IL1RAPL1: variants seen among roughly 807,000 people sequenced by gnomAD.
IL1RAPL1 encodes interleukin 1 receptor accessory protein like 1.
A neutral mutation model predicts 48.4 loss-of-function variants in IL1RAPL1; 3 were observed. The ratio of observed to expected loss-of-function variants is 0.06; its 90% CI spans 0.03 to 0.16. IL1RAPL1 has a LOEUF of 0.16. Ranked by LOEUF, IL1RAPL1 falls within the 10% of genes least tolerant of loss-of-function variation. The probability of loss-of-function intolerance (pLI) is 1.00; values close to 1 mark genes in which losing one functional copy is unlikely to be tolerated. For missense variants in IL1RAPL1, 349 were observed against 530.6 expected, an observed-to-expected ratio of 0.66 and a Z score of 3.36; for synonymous variants, 185 against 187.7, an observed-to-expected ratio of 0.99 and a Z score of 0.12.
At position 29,803,254 on chromosome X, in the gene IL1RAPL1, C is replaced by T. The variant is rs1330174658; in HGVS notation, c.779-114210C>T. ...ACACATGTATATATGTATACATATA[C>T]ACACATGTATATATGTATACATATA... On this transcript the variant is annotated intron_variant, in intron 6 of 10. Transcript: ENST00000378993. Among the ~76,000 whole-genome samples, 98 of 29,533 alleles carry T rather than the reference C, an allele frequency of 3.3e-3. 7 individuals are homozygous for T. Among genetic ancestry groups the T allele is most frequent in the African/African-American group, 0.015 (92 of 6,247 alleles). The allele number at this position is 29,533 out of a possible 115,157, so 25.6% of individuals were successfully genotyped here.
intron 2 of IL1RAPL1, among the ~76,000 whole-genome samples, chrX:29,214,141 CCA>C (rs1930822159): frequency 9.0e-6 from 1 of 111,269 alleles, no homozygotes; most frequent in South Asian, 3.7e-4. Flanking sequence ...TATATGTCAA[CCA>C]AGCGCACATG....
chrX:29,412,268 C>CA (rs1460148136), intron 5 of IL1RAPL1, among the ~76,000 whole-genome samples: 17 of 97,608 alleles, frequency 1.7e-4, no homozygotes, highest in South Asian at 4.7e-4. Context: ...AAGACTCCAT[C>CA]AAAAAAAAAG....
At chrX:29,106,357 A>G (rs1358122709) in intron 2 of IL1RAPL1, among the ~76,000 whole-genome samples, 2 of 111,258 alleles carry the variant, frequency 1.8e-5, no homozygotes, top group Non-Finnish European at 3.8e-5. Flanking sequence ...GCTATGAAAA[A>G]TTCTTAAGGG....
rs913420577 is a variant in IL1RAPL1, at chrX:28,706,693, C to T, written c.-24-82627C>T. 2.7e-5 allele frequency among the ~76,000 whole-genome samples: 3 copies of T among 111,853 alleles called. No individual in the cohort carries two copies. The Admixed American group carries it at 2.8e-4, about 11-fold the overall frequency. Reference sequence around the variant, plus strand: ...CCTCTGAAAGTGCTGGGATTACAGGCGTGAACCACTGTACCCAGCCATTAG... The same window carrying T: ...CCTCTGAAAGTGCTGGGATTACAGGTGTGAACCACTGTACCCAGCCATTAG... On this transcript the variant is annotated intron_variant, in intron 1 of 10. Coordinates refer to ENST00000378993, the MANE Select transcript of IL1RAPL1 (RefSeq NM_014271.4).
At chrX:29,131,059 A>G (rs1267198116) in intron 2 of IL1RAPL1, among the ~76,000 whole-genome samples, 2 of 111,964 alleles carry the variant, frequency 1.8e-5, no homozygotes, top group Non-Finnish European at 1.9e-5. Context: ...CGTGTTTTAC[A>G]TGCATATTCA....
intron 1 of IL1RAPL1, among the ~76,000 whole-genome samples, chrX:28,665,123 A>T (rs900729939): frequency 9.0e-6 from 1 of 111,690 alleles, no homozygotes; most frequent in Non-Finnish European, 1.9e-5. Context: ...TTCTCACTGC[A>T]CAAGTGTATA....
chrX:28,808,625 C>T (rs1003738648), intron 2 of IL1RAPL1, among the ~76,000 whole-genome samples: 1 of 110,722 alleles, frequency 9.0e-6, no homozygotes, highest in African/African-American at 3.3e-5. Context: ...GGGTATTAAA[C>T]AAGACGTAGG....
chrX:29,612,871 C>A (rs1025479039), intron 5 of IL1RAPL1, among the ~76,000 whole-genome samples: 12 of 112,130 alleles, frequency 1.1e-4, no homozygotes, highest in African/African-American at 3.9e-4. Flanking sequence ...CTTAATTACT[C>A]AATAATTATT....
chrX:29,419,160 C>T (rs1472954243), intron 5 of IL1RAPL1, among the ~76,000 whole-genome samples: 5 of 111,527 alleles, frequency 4.5e-5, no homozygotes, highest in African/African-American at 1.6e-4. Context: ...ATGCACTCTT[C>T]TGGATGGCGG....
intron 2 of IL1RAPL1, among the ~76,000 whole-genome samples, chrX:29,108,423 C>T (rs1005397036): frequency 5.4e-5 from 6 of 110,478 alleles, no homozygotes; most frequent in South Asian, 3.8e-4. Flanking sequence ...TTTTTTGAGA[C>T]GGAGTTTCAC....
intron 3 of IL1RAPL1, among the ~76,000 whole-genome samples, chrX:29,284,787 A>C (rs142370114): frequency 2.8e-4 from 31 of 111,918 alleles, no homozygotes; most frequent in African/African-American, 9.4e-4. Context: ...TTCCTTTGGC[A>C]ACTCTTCTTC....
At chrX:28,985,694 C>G (rs1925450032) in intron 2 of IL1RAPL1, among the ~76,000 whole-genome samples, 1 of 96,569 alleles carries the variant, frequency 1.0e-5, no homozygotes, top group Non-Finnish European at 2.0e-5. Context: ...GAGTCTCGCT[C>G]TGTCGCCCAG....
chrX:29,226,071 T>C (rs965381412), intron 2 of IL1RAPL1, among the ~76,000 whole-genome samples: 1 of 111,789 alleles, frequency 8.9e-6, no homozygotes, highest in Non-Finnish European at 1.9e-5. Flanking sequence ...GTTACACTGA[T>C]AGGAAAGATT....
chrX:28,765,901 A>C (rs1290617359), intron 1 of IL1RAPL1, among the ~76,000 whole-genome samples: 1 of 111,536 alleles, frequency 9.0e-6, no homozygotes, highest in East Asian at 2.8e-4. Flanking sequence ...AGAATCTTTA[A>C]ATTTGTTATG....
chrX:29,345,245 G>A (rs867617542), intron 3 of IL1RAPL1, among the ~76,000 whole-genome samples: 30 of 111,724 alleles, frequency 2.7e-4, no homozygotes, highest in African/African-American at 9.4e-4. Flanking sequence ...AATAGATACT[G>A]CCAAATTGCC....
chrX:29,319,364 A>ATTTTTTTTTTTTTTTTTTTC (rs1932786281), intron 3 of IL1RAPL1, among the ~76,000 whole-genome samples: 1 of 58,137 alleles, frequency 1.7e-5, no homozygotes, highest in Non-Finnish European at 3.1e-5. Context: ...GATAAATTTA[A>ATTTTTTTTTTTTTTTTTTTC]TTTTTTTTTT....
At chrX:29,882,761 G>A (rs964854784) in intron 6 of IL1RAPL1, among the ~76,000 whole-genome samples, 2 of 111,973 alleles carry the variant, frequency 1.8e-5, no homozygotes, top group Non-Finnish European at 3.8e-5. Context: ...TTTAATTAAT[G>A]TAAATTAAAT....
chrX:29,703,196 A>G (rs1365247168), intron 6 of IL1RAPL1, among the ~76,000 whole-genome samples: 1 of 111,862 alleles, frequency 8.9e-6, no homozygotes, highest in African/African-American at 3.2e-5. Context: ...CATTTTAACT[A>G]TTATTTTCTG....
chrX:29,195,450 T>C (rs761000310), intron 2 of IL1RAPL1, among the ~76,000 whole-genome samples: 26 of 111,593 alleles, frequency 2.3e-4, no homozygotes, highest in Middle Eastern at 4.7e-3. Flanking sequence ...ATTGGGAGGA[T>C]TGTGGCAATG....
Sources: allele counts gnomAD v4.1 joint callset (sites outside exome capture counted in the v4.1 genomes callset), GRCh38; gene constraint gnomAD v4.1.1; transcripts MANE v1.5; gene names NCBI Gene and HGNC (gene_info 2026-07-23, HGNC 2026-07-21).